The following RPS6KC1 variants were observed in gnomAD, a reference collection of about 807,000 sequenced individuals.
The protein encoded by RPS6KC1 is inactive ribosomal protein S6 kinase delta-1.
A neutral mutation model predicts 103.8 loss-of-function variants in RPS6KC1; 54 were observed. The observed-to-expected ratio is 0.52, with a 90% CI of 0.42 to 0.65. The LOEUF (loss-of-function observed/expected upper bound fraction) is 0.65. RPS6KC1 is among the 30% of genes least tolerant of loss of function. RPS6KC1 has a pLI of 0.00. For synonymous variants in RPS6KC1, 439 were observed against 438.7 expected (o/e 1.00, Z -0.01); for missense variants, 1,151 against 1,253.8 (o/e 0.92, Z 1.24).
the RPS6KC1 span, among the ~76,000 whole-genome samples, chr1:213,729,207 C>T: frequency 2.0e-5 from 3 of 152,130 alleles, no homozygotes; most frequent in South Asian, 2.1e-4. Context: ...GTCAGCATGA[C>T]GGTAGACTTT....
At chr1:213,508,904 C>T in the RPS6KC1 span, among the ~76,000 whole-genome samples, 1 of 152,144 alleles carries the variant, frequency 6.6e-6, no homozygotes, top group Non-Finnish European at 1.5e-5. Flanking sequence ...GAGATTAGAA[C>T]TTCTAACTCG....
chr1:213,734,954 CGCTCTGTA>C, the RPS6KC1 span, among the ~76,000 whole-genome samples: 206 of 152,168 alleles, frequency 1.4e-3, 1 homozygote, highest in African/African-American at 4.2e-3. Context: ...GAGACGGAGC[CGCTCTGTA>C]GCCCAGGCTG....
the RPS6KC1 span, among the ~76,000 whole-genome samples, chr1:213,738,435 A>G: frequency 2.0e-5 from 3 of 152,196 alleles, no homozygotes; most frequent in African/African-American, 7.2e-5. Context: ...ACAACTGATG[A>G]GGCGGAGTTT....
chr1:213,656,604 A>G, the RPS6KC1 span, among the ~76,000 whole-genome samples: 39 of 152,170 alleles, frequency 2.6e-4, no homozygotes, highest in Non-Finnish European at 2.9e-5. Flanking sequence ...CGTTTCTGAG[A>G]TTTCACAGCT....
the RPS6KC1 span, among the ~76,000 whole-genome samples, chr1:213,524,682 G>A: frequency 6.6e-6 from 1 of 152,156 alleles, no homozygotes; most frequent in African/African-American, 2.4e-5. Flanking sequence ...CTGTAGAATG[G>A]AGTTAATACC....
chr1:213,584,176 C>T, the RPS6KC1 span, among the ~76,000 whole-genome samples: 21 of 152,260 alleles, frequency 1.4e-4, no homozygotes, highest in East Asian at 3.1e-3. Flanking sequence ...ATGTGCTTTT[C>T]GCCTTCTGCC....
chr1:213,284,169 A>G, the RPS6KC1 span, among the ~76,000 whole-genome samples: 2 of 152,220 alleles, frequency 1.3e-5, no homozygotes, highest in African/African-American at 4.8e-5. Context: ...ACTCAGGAAA[A>G]AATTAGAAAT....
At chr1:213,825,151 C>T in the RPS6KC1 span, among the ~76,000 whole-genome samples, 3 of 152,236 alleles carry the variant, frequency 2.0e-5, no homozygotes, top group Non-Finnish European at 4.4e-5. Flanking sequence ...ATAGTTAAGG[C>T]TCTGAAGCGT....
At chr1:213,430,535 C>G in the RPS6KC1 span, among the ~76,000 whole-genome samples, 2 of 152,180 alleles carry the variant, frequency 1.3e-5, no homozygotes, top group Admixed American at 1.3e-4. Flanking sequence ...TGATGACTCT[C>G]TTGCATTTCT....
chr1:213,860,367 T>C, the RPS6KC1 span, among the ~76,000 whole-genome samples: 7 of 151,606 alleles, frequency 4.6e-5, no homozygotes, highest in African/African-American at 1.7e-4. Context: ...TCGGATCTAC[T>C]CTTTCAATTC....
At chr1:213,723,935 T>C in the RPS6KC1 span, among the ~76,000 whole-genome samples, 3 of 147,362 alleles carry the variant, frequency 2.0e-5, no homozygotes, top group Non-Finnish European at 4.5e-5. Flanking sequence ...ATGGGGGTGG[T>C]TGGGGGGTTG....
chr1:213,421,041 CA>C, the RPS6KC1 span, among the ~76,000 whole-genome samples: 1 of 152,192 alleles, frequency 6.6e-6, no homozygotes, highest in East Asian at 1.9e-4. Flanking sequence ...TTCACTTAGT[CA>C]CCTCTTTAAA....
the RPS6KC1 span, among the ~76,000 whole-genome samples, chr1:213,473,358 A>G: frequency 1.3e-5 from 2 of 152,218 alleles, no homozygotes; most frequent in Non-Finnish European, 2.9e-5. Context: ...TCCATTTTGC[A>G]TTAGCTATAA....
the RPS6KC1 span, among the ~76,000 whole-genome samples, chr1:213,719,759 G>A: frequency 2.6e-5 from 4 of 152,198 alleles, no homozygotes; most frequent in East Asian, 7.7e-4. Flanking sequence ...TGGTGGCAAG[G>A]GTGCCCAGGT....
the RPS6KC1 span, among the ~76,000 whole-genome samples, chr1:213,577,126 G>T: frequency 6.6e-6 from 1 of 152,144 alleles, no homozygotes; most frequent in Non-Finnish European, 1.5e-5. Context: ...ACTGTTGGGA[G>T]GTAATTTAAT....
At chr1:213,627,132 G>T in the RPS6KC1 span, among the ~76,000 whole-genome samples, 1 of 152,104 alleles carries the variant, frequency 6.6e-6, no homozygotes, top group South Asian at 2.1e-4. Context: ...TCCTTGAAGA[G>T]GTCCTTCACG....
chr1:213,771,163 A>G, the RPS6KC1 span, among the ~76,000 whole-genome samples: 1 of 151,796 alleles, frequency 6.6e-6, no homozygotes, highest in Non-Finnish European at 1.5e-5. Context: ...CTCTAAGTAA[A>G]CCTAAAGCTT....
chr1:213,683,736 G>A, the RPS6KC1 span, among the ~76,000 whole-genome samples: 7 of 152,026 alleles, frequency 4.6e-5, no homozygotes, highest in African/African-American at 7.2e-5. Context: ...ACCTTGGCCC[G>A]GCCCGTCCCA....
chr1:213,328,504 C>CTATATA, the RPS6KC1 span, among the ~76,000 whole-genome samples: 9,633 of 99,372 alleles, frequency 0.097, 754 homozygotes, highest in East Asian at 0.14. Flanking sequence ...AGCCATTATA[C>CTATATA]TATATATATA....
Sources: allele counts gnomAD v4.1 joint callset (sites outside exome capture counted in the v4.1 genomes callset), GRCh38; gene constraint gnomAD v4.1.1; transcripts MANE v1.5; gene names NCBI Gene and HGNC (gene_info 2026-07-23, HGNC 2026-07-21).